AGAP1: variants seen among roughly 807,000 people sequenced by gnomAD.
AGAP1 encodes the protein ArfGAP with GTPase domain, ankyrin repeat and PH domain 1, also known as arf-GAP with GTPase, ANK repeat and PH domain-containing protein 1.
In AGAP1, 29 loss-of-function variants were observed where a neutral mutation model predicts 105.3. The observed-to-expected ratio is 0.28, with a 90% CI of 0.21 to 0.38. The LOEUF is 0.38. AGAP1 is among the 10% of genes least tolerant of loss of function. The pLI is 1.00. For missense variants in AGAP1, 998 were observed against 1,165.1 expected (o/e 0.86, Z 2.09); for synonymous variants, 509 against 485.9 (o/e 1.05, Z -0.63).
intron 1 of AGAP1, among the ~76,000 whole-genome samples, chr2:235,568,089 C>T (rs1190332594): frequency 1.3e-5 from 2 of 152,104 alleles, no homozygotes; most frequent in African/African-American, 2.4e-5. Context: ...TGGGGATTCC[C>T]ACACTGACCT....
intron 13 of AGAP1, among the ~76,000 whole-genome samples, chr2:235,991,216 A>G (rs985970802): frequency 6.6e-6 from 1 of 152,258 alleles, no homozygotes; most frequent in Non-Finnish European, 1.5e-5. Flanking sequence ...TTATGTCTCA[A>G]GAATTATTAT....
At chr2:235,768,980 A>C (rs919431691) in intron 6 of AGAP1, among the ~76,000 whole-genome samples, 11 of 152,228 alleles carry the variant, frequency 7.2e-5, no homozygotes, top group Non-Finnish European at 1.3e-4. Flanking sequence ...GACAGACCTT[A>C]GCAAATATTC....
intron 13 of AGAP1, among the ~76,000 whole-genome samples, chr2:236,011,968 T>C (rs74824198): frequency 0.02 from 3,041 of 152,144 alleles, 95 homozygotes; most frequent in African/African-American, 0.068. Context: ...CAAGGTGTTA[T>C]TGATGATAAT....
rs1018141183 is a variant in AGAP1 at position 236,104,193 on chromosome 2, C to T, written c.2115-15999C>T. On this transcript the variant is annotated intron_variant, in intron 16 of 17. Transcript: ENST00000304032. The surrounding 1 kb of genome is among the most constrained non-coding windows in gnomAD (Gnocchi z 4.7). ...TGCAGGAAGAGGCTGAGGGCCCGCT[C>T]CAGCAGCCGGGGCGCTGGTAGGGCC... Among the ~76,000 whole-genome samples the T allele has an allele frequency of 6.6e-6, 1 of 152,308 alleles. No homozygotes were observed. The highest frequency in any genetic ancestry group is 3.4e-3 in the Middle Eastern group (1 of 292).
chr2:235,498,954 G>A (rs899081710), intron 1 of AGAP1, among the ~76,000 whole-genome samples: 2 of 152,210 alleles, frequency 1.3e-5, no homozygotes, highest in Admixed American at 1.3e-4. Flanking sequence ...GGGGGACCTG[G>A]GAAGATGGGT....
Position 236,003,571 on chromosome 2 carries a change from C to T in AGAP1, c.1646-32990C>T, listed in dbSNP as rs544657408. Among the ~76,000 whole-genome samples the T allele has an allele frequency of 5.9e-5, 9 of 152,340 alleles. No homozygotes were observed. Among genetic ancestry groups the T allele is most frequent in the South Asian group, 4.1e-4 (2 of 4,822 alleles). On this transcript the variant is annotated intron_variant, in intron 13 of 17. Coordinates refer to ENST00000304032, the MANE Select transcript of AGAP1 (RefSeq NM_001037131.3). This position sits in a 1 kb window ranked among gnomAD's most constrained non-coding sequence, Gnocchi z 4.2. ...GCAGCCCCCCTGCGCTGCTGCTGCCCGCATGGGGTACCCTTAAGTCCCACA... is the reference window on the plus strand; with the variant it reads ...GCAGCCCCCCTGCGCTGCTGCTGCCTGCATGGGGTACCCTTAAGTCCCACA...
intron 1 of AGAP1, among the ~76,000 whole-genome samples, chr2:235,561,986 G>C (rs1259411370): frequency 6.6e-6 from 1 of 152,140 alleles, no homozygotes; most frequent in African/African-American, 2.4e-5. Flanking sequence ...AAGCAAACCA[G>C]CTCATACCTT....
intron 1 of AGAP1, among the ~76,000 whole-genome samples, chr2:235,544,509 C>T (rs775288283): frequency 5.9e-5 from 9 of 152,316 alleles, no homozygotes; most frequent in Non-Finnish European, 1.0e-4. Flanking sequence ...AGGCTTCCAT[C>T]GCTGGAAATC....
rs1183718300 is a variant in AGAP1 at position 236,105,587 on chromosome 2, G to A, written c.2115-14605G>A. Among the ~76,000 whole-genome samples, 18 of 124,690 alleles carry A rather than the reference G, an allele frequency of 1.4e-4. No homozygotes were observed. The South Asian group carries it at 3.8e-3, about 27-fold the overall frequency. 81.8% of individuals were successfully genotyped at this position (124,690 alleles called of 152,430 possible). On this transcript the variant is annotated intron_variant, in intron 16 of 17. Transcript: ENST00000304032. The surrounding 1 kb of genome is among the most constrained non-coding windows in gnomAD (Gnocchi z 4.2). ...TTTTTTTTTTTTGAGACACAGTCTC[G>A]CTCTGTCACCCAGGCTGCAGTGCAG...
intron 1 of AGAP1, among the ~76,000 whole-genome samples, chr2:235,616,498 A>G (rs145109732): frequency 2.3e-3 from 357 of 152,352 alleles, no homozygotes; most frequent in South Asian, 3.5e-3. Context: ...TGAGATAGCC[A>G]TCTGGAGAGA....
At chr2:235,917,336 C>G (rs2125086473) in intron 11 of AGAP1, among the ~76,000 whole-genome samples, 1 of 152,214 alleles carries the variant, frequency 6.6e-6, no homozygotes, top group South Asian at 2.1e-4. Flanking sequence ...CTCCACACTT[C>G]AGCAATCAGG....
chr2:235,826,278 C>T (rs1267385662), intron 9 of AGAP1, among the ~76,000 whole-genome samples: 1 of 152,180 alleles, frequency 6.6e-6, no homozygotes, highest in East Asian at 1.9e-4. Flanking sequence ...ATTAAGGGCC[C>T]CAAAAGTCTA....
At chr2:235,648,171 C>T (rs1050274234) in intron 1 of AGAP1, among the ~76,000 whole-genome samples, 2 of 152,220 alleles carry the variant, frequency 1.3e-5, no homozygotes, top group Non-Finnish European at 2.9e-5. Context: ...GCCTCCATCT[C>T]TTTCTCCCTC....
At chr2:235,507,734 T>A (rs980104803) in intron 1 of AGAP1, among the ~76,000 whole-genome samples, 2 of 152,120 alleles carry the variant, frequency 1.3e-5, no homozygotes, top group African/African-American at 4.8e-5. Flanking sequence ...ATCCACCCAC[T>A]TCTGAAGGTG....
In AGAP1 at chr2:236,105,788, G is replaced by A. The variant is rs529462824; in HGVS notation, c.2115-14404G>A. Among the ~76,000 whole-genome samples, 9 of 152,090 alleles carry A rather than the reference G, an allele frequency of 5.9e-5. No individual in the cohort carries two copies. Among genetic ancestry groups the A allele is most frequent in the South Asian group, 2.1e-4 (1 of 4,798 alleles). On this transcript the variant is annotated intron_variant, in intron 16 of 17. Coordinates refer to ENST00000304032, the MANE Select transcript of AGAP1 (RefSeq NM_001037131.3). The surrounding 1 kb of genome is among the most constrained non-coding windows in gnomAD (Gnocchi z 4.2). ...TTGTTTTTGTATTTTTAGTAGAGAC[G>A]GGGTTTCACCATGTTAGCCAGGGTG... is the stretch of plus-strand genomic sequence containing the variant.
At chr2:236,018,412 G>A (rs1428261904) in intron 13 of AGAP1, among the ~76,000 whole-genome samples, 1 of 152,188 alleles carries the variant, frequency 6.6e-6, no homozygotes, top group East Asian at 1.9e-4. Context: ...GAGGAAACTC[G>A]GGAGGGAGGC....
chr2:235,656,265 T>C (rs1947767484), intron 1 of AGAP1, among the ~76,000 whole-genome samples: 1 of 152,216 alleles, frequency 6.6e-6, no homozygotes, highest in Non-Finnish European at 1.5e-5. Flanking sequence ...TGTTTGCTTG[T>C]TTTAAGGCTA....
intron 13 of AGAP1, among the ~76,000 whole-genome samples, chr2:236,023,904 T>C (rs1176853107): frequency 6.6e-6 from 1 of 152,118 alleles, no homozygotes; most frequent in African/African-American, 2.4e-5. Flanking sequence ...CAGATTCTCA[T>C]CCGGTCATTG....
At chr2:235,885,178 A>G (rs1312339011) in intron 10 of AGAP1, among the ~76,000 whole-genome samples, 1 of 152,092 alleles carries the variant, frequency 6.6e-6, no homozygotes, top group African/African-American at 2.4e-5. Flanking sequence ...TTCTATGTAT[A>G]TTTCTCTTTT....
Sources: allele counts gnomAD v4.1 joint callset (sites outside exome capture counted in the v4.1 genomes callset), GRCh38; gene constraint gnomAD v4.1.1; non-coding constraint Gnocchi (gnomAD v3.1); transcripts MANE v1.5; gene names NCBI Gene and HGNC (gene_info 2026-07-23, HGNC 2026-07-21).